Variants in MSRA observed in about 807,000 individuals in gnomAD.
The protein encoded by MSRA is methionine sulfoxide reductase A.
MSRA carries 54 observed loss-of-function variants against 31.3 expected under a neutral mutation model. That is an observed-to-expected ratio of 1.73 (90% CI 1.39 to 2.17). The LOEUF (loss-of-function observed/expected upper bound fraction) is 2.17. Ranked by LOEUF, MSRA falls within the 30% of genes most tolerant of loss-of-function variation. The pLI is 0.00. For synonymous variants in MSRA, 169 were observed against 116.5 expected, an observed-to-expected ratio of 1.45 and a Z score of -2.90; for missense variants, 507 against 300.9, an observed-to-expected ratio of 1.69 and a Z score of -5.07.
chr8:10,176,632 C>T (rs1019430202), intron 1 of MSRA, among the ~76,000 whole-genome samples: 3 of 152,190 alleles, frequency 2.0e-5, no homozygotes, highest in Admixed American at 6.5e-5. Flanking sequence ...TTCCCCTTTT[C>T]GTGTGAAGAA....
chr8:10,294,592 G>C (rs946767188), intron 3 of MSRA, among the ~76,000 whole-genome samples: 1 of 152,178 alleles, frequency 6.6e-6, no homozygotes, highest in Non-Finnish European at 1.5e-5. Context: ...TGCTCCTTTG[G>C]TCTGGGTGGT....
At chr8:10,302,045 C>G (rs540492938) in intron 4 of MSRA, among the ~76,000 whole-genome samples, 3 of 152,096 alleles carry the variant, frequency 2.0e-5, no homozygotes, top group Admixed American at 6.6e-5. Context: ...CGTCTTTTGA[C>G]GTTATCAGGT....
chr8:10,389,008 A>G (rs144946215), intron 5 of MSRA, among the ~76,000 whole-genome samples: 3 of 152,308 alleles, frequency 2.0e-5, no homozygotes, highest in East Asian at 1.9e-4. Flanking sequence ...TGACATATTT[A>G]TGCCTAGTGT....
chr8:10,200,922 A>G (rs1005620511), intron 1 of MSRA, among the ~76,000 whole-genome samples: 1 of 152,146 alleles, frequency 6.6e-6, no homozygotes, highest in Non-Finnish European at 1.5e-5. Context: ...ATCAGGGCCC[A>G]GAACGCTCAG....
intron 1 of MSRA, among the ~76,000 whole-genome samples, chr8:10,086,394 T>C (rs144338896): frequency 6.6e-6 from 1 of 152,240 alleles, no homozygotes; most frequent in South Asian, 2.1e-4. Context: ...AGTTAGCCTT[T>C]GAAGAAGCAC....
Position 10,306,907 on chromosome 8 carries a change from A to C in MSRA, c.436+5269A>C, listed in dbSNP as rs187062025. Among the ~76,000 whole-genome samples the C allele has an allele frequency of 2.8e-4, 42 of 152,290 alleles. No individual in the cohort carries two copies. In the East Asian group the frequency reaches 7.9e-3, roughly 29 times the overall value. ...GAGCAAGGGAGAGCAATATTTACTA[A>C]GCACCTCTTAGGGGCCAGTCTTAGC... On this transcript the variant is annotated intron_variant, in intron 4 of 5. Coordinates refer to ENST00000317173, the MANE Select transcript of MSRA (RefSeq NM_012331.5).
At chr8:10,404,911 C>T (rs1019331330) in intron 5 of MSRA, among the ~76,000 whole-genome samples, 1 of 152,190 alleles carries the variant, frequency 6.6e-6, no homozygotes, top group Non-Finnish European at 1.5e-5. Flanking sequence ...CAGCTGTGCA[C>T]CCACTGCTCC....
chr8:10,085,140 C>T (rs1798492927), intron 1 of MSRA, among the ~76,000 whole-genome samples: 1 of 152,174 alleles, frequency 6.6e-6, no homozygotes, highest in South Asian at 2.1e-4. Context: ...TCTGGTAGGT[C>T]TTAGCTAGCC....
At chr8:10,407,027 G>C (rs1051464533) in intron 5 of MSRA, among the ~76,000 whole-genome samples, 1 of 152,174 alleles carries the variant, frequency 6.6e-6, no homozygotes, top group African/African-American at 2.4e-5. Flanking sequence ...ACAGGTGTGT[G>C]TCACCACACT....
intron 3 of MSRA, chr8:10,250,373 A>G (rs1211533070): frequency 1.4e-6 from 1 of 699,452 alleles, no homozygotes; most frequent in South Asian, 1.5e-5. Flanking sequence ...TGGCAAGAAA[A>G]CCCAGGATGT....
chr8:10,232,692 C>G (rs1417719186), intron 2 of MSRA, among the ~76,000 whole-genome samples: 1 of 152,072 alleles, frequency 6.6e-6, no homozygotes, highest in Non-Finnish European at 1.5e-5. Flanking sequence ...AAACTAAAAT[C>G]TCATAATAAA....
chr8:10,406,973 G>A (rs1336788735), intron 5 of MSRA, among the ~76,000 whole-genome samples: 4 of 152,162 alleles, frequency 2.6e-5, no homozygotes, highest in African/African-American at 9.7e-5. Context: ...AGCCTTCTGG[G>A]CTCATGTAAT....
intron 5 of MSRA, among the ~76,000 whole-genome samples, chr8:10,322,885 T>C (rs1326841229): frequency 6.6e-6 from 1 of 151,640 alleles, no homozygotes; most frequent in East Asian, 1.9e-4. Flanking sequence ...AGGTCAGGAC[T>C]TCGAGACCAG....
At chr8:10,299,769 C>T (rs574024765) in intron 3 of MSRA, among the ~76,000 whole-genome samples, 7 of 152,102 alleles carry the variant, frequency 4.6e-5, no homozygotes, top group Non-Finnish European at 7.4e-5. Flanking sequence ...CCCTCAAAAA[C>T]GCTGCCAATG....
intron 5 of MSRA, among the ~76,000 whole-genome samples, chr8:10,406,283 T>G (rs1188791513): frequency 6.6e-6 from 1 of 152,216 alleles, no homozygotes; most frequent in Non-Finnish European, 1.5e-5. Context: ...CTTGGGCAAG[T>G]TCCTTAACCT....
At chr8:10,169,438 C>G (rs190748136) in intron 1 of MSRA, among the ~76,000 whole-genome samples, 1 of 152,130 alleles carries the variant, frequency 6.6e-6, no homozygotes, top group African/African-American at 2.4e-5. Flanking sequence ...TATTTTAGAG[C>G]TATGTACCTT....
intron 1 of MSRA, among the ~76,000 whole-genome samples, chr8:10,152,017 G>C (rs988089827): frequency 6.6e-6 from 1 of 152,208 alleles, no homozygotes; most frequent in African/African-American, 2.4e-5. Flanking sequence ...AACTGAGGGT[G>C]CTTCTGAAGT....
At chr8:10,169,922 T>TTC (rs1805452755) in intron 1 of MSRA, among the ~76,000 whole-genome samples, 1 of 150,952 alleles carries the variant, frequency 6.6e-6, no homozygotes, top group African/African-American at 2.4e-5. Context: ...TCTTTCTTTT[T>TTC]TTTTTTTTTT....
chr8:10,298,600 A>T (rs1224648948), intron 3 of MSRA, among the ~76,000 whole-genome samples: 1 of 148,720 alleles, frequency 6.7e-6, no homozygotes, highest in Admixed American at 6.8e-5. Context: ...GGTAAATTTT[A>T]TGTTATGTTC....
Sources: allele counts gnomAD v4.1 joint callset (sites outside exome capture counted in the v4.1 genomes callset), GRCh38; gene constraint gnomAD v4.1.1; transcripts MANE v1.5; gene names NCBI Gene and HGNC (gene_info 2026-07-23, HGNC 2026-07-21).